Variants in BAG2 observed in about 807,000 individuals in gnomAD.
The protein encoded by BAG2 is BAG cochaperone 2.
A neutral mutation model predicts 16.4 loss-of-function variants in BAG2; 8 were observed. The observed-to-expected ratio is 0.49, with a 90% CI of 0.29 to 0.88. The LOEUF (loss-of-function observed/expected upper bound fraction) is 0.88, where lower values mean the gene tolerates loss of function less well. BAG2 is among the 40% of genes least tolerant of loss of function. The probability of loss-of-function intolerance (pLI) is 0.09; values close to 1 mark genes in which losing one functional copy is unlikely to be tolerated. For missense variants in BAG2, 218 were observed against 248.9 expected (o/e 0.88, Z 0.84); for synonymous variants, 82 against 89.2 (o/e 0.92, Z 0.46).
rs923399840 is a variant in BAG2, at chr6:57,186,510, G to A, written c.*2320G>A. The A allele has an allele frequency of 1.1e-4, 17 of 152,218 alleles. No homozygotes were observed. The highest frequency in any genetic ancestry group is 4.1e-4 in the African/African-American group (17 of 41,418). The allele number at this position is 152,218 out of a possible 1,614,324, so 9.4% of individuals were successfully genotyped here. A position where few individuals can be genotyped will look rare whatever the true frequency, so the allele number is the denominator to read the frequency against. On this transcript the variant is annotated 3_prime_UTR_variant, in exon 3 of 3. Coordinates refer to ENST00000370693, the MANE Select transcript of BAG2 (RefSeq NM_004282.4). ...TTTTTGTATTTTTAGTAGACATGGG[G>A]TTTCACCATATTGGCCAGGCTGGTC...
In BAG2 at chr6:57,172,761, G is replaced by A. The variant is rs1562637781; in HGVS notation, c.64G>A (p.Ala22Thr). Residue 22 changes from alanine to threonine, a missense_variant, in exon 1 of 3, where the codon GCT (alanine) becomes ACT (threonine). Transcript: ENST00000370693. Reference sequence around the variant, plus strand: ...GCGCTTCTGCCGCTCCTCCTCCATGGCTGACCGCTCCAGCCGCCTGCTGGA... The same window carrying A: ...GCGCTTCTGCCGCTCCTCCTCCATGACTGACCGCTCCAGCCGCCTGCTGGA... ...EGRFCRSSSMADRSSRLLESL... is the reference protein window; with the variant it reads ...EGRFCRSSSMTDRSSRLLESL... 3.2e-6 allele frequency: 5 copies of A among 1,580,816 alleles called. No homozygotes were observed. The highest frequency in any genetic ancestry group is 2.4e-5 in the East Asian group (1 of 41,424).
At chr6:57,174,347 CT>C (rs1388007928) in intron 1 of BAG2, 2 of 1,304,116 alleles carry the variant, frequency 1.5e-6, no homozygotes, top group African/African-American at 1.5e-5. Flanking sequence ...CTCCGCCTTC[CT>C]TCAAGCTGAG....
chr6:57,180,546 A>G (rs1764409020), intron 1 of BAG2, among the ~76,000 whole-genome samples: 1 of 152,154 alleles, frequency 6.6e-6, no homozygotes, highest in African/African-American at 2.4e-5. Context: ...CGCTAGGGGA[A>G]AGATGGATTG....
intron 1 of BAG2, among the ~76,000 whole-genome samples, chr6:57,174,940 T>A (rs1276253085): frequency 6.6e-6 from 1 of 152,228 alleles, no homozygotes; most frequent in Non-Finnish European, 1.5e-5. Flanking sequence ...ATCCTGTCAA[T>A]TGTGGAAGAA....
At chr6:57,174,097 A>G in intron 1 of BAG2, 3 of 666,618 alleles carry the variant, frequency 4.5e-6, no homozygotes, top group Non-Finnish European at 3.9e-6. Flanking sequence ...GATTTTCACA[A>G]TACTGGCAAA....
At chr6:57,179,653 A>G (rs2127992817) in intron 1 of BAG2, among the ~76,000 whole-genome samples, 1 of 152,358 alleles carries the variant, frequency 6.6e-6, no homozygotes, top group East Asian at 1.9e-4. Flanking sequence ...AAAAGTTGGC[A>G]TCTTAGTTAC....
At chr6:57,179,004 T>C (rs1358587837) in intron 1 of BAG2, among the ~76,000 whole-genome samples, 4 of 152,248 alleles carry the variant, frequency 2.6e-5, no homozygotes, top group Non-Finnish European at 4.4e-5. Flanking sequence ...CATCTTACAA[T>C]TGAATACAAA....
chr6:57,173,148 A>G, intron 1 of BAG2: 1 of 1,016,490 alleles, frequency 9.8e-7, no homozygotes. Flanking sequence ...GCGATTAAGG[A>G]CTGTGGCAGC....
At chr6:57,174,222 C>A in intron 1 of BAG2, 1 of 1,145,770 alleles carries the variant, frequency 8.7e-7, no homozygotes, top group South Asian at 2.0e-5. Context: ...TAACAAGTAA[C>A]ACACATCTCT....
chr6:57,183,918 A>G lies in BAG2; in HGVS notation c.364A>G (p.Asn122Asp), dbSNP rs757588112. 6.8e-6 allele frequency: 11 copies of G among 1,614,178 alleles called. No individual in the cohort carries two copies. Among genetic ancestry groups the G allele is most frequent in the Non-Finnish European group, 9.3e-6 (11 of 1,180,026 alleles). Residue 122 changes from asparagine (N) to aspartate (D), a missense_variant, in exon 3 of 3, where the codon AAT (asparagine) becomes GAT (aspartate). Physicochemically the swap from Asn to Asp is conservative, Grantham distance 23. Transcript: ENST00000370693. ...HATRIIDEVV[N>D]KFLDDLGNAK... ...CACAAGGATTATTGATGAGGTGGTCAATAAGTTTCTGGATGATTTGGGAAA... is the reference window on the plus strand; with the variant it reads ...CACAAGGATTATTGATGAGGTGGTCGATAAGTTTCTGGATGATTTGGGAAA...
At chr6:57,173,612 A>G (rs1764193318) in intron 1 of BAG2, 1 of 736,638 alleles carries the variant, frequency 1.4e-6, no homozygotes, top group Non-Finnish European at 1.7e-6. Flanking sequence ...TTTAATGTTA[A>G]TAGATTTTTG....
At chr6:57,177,246 C>T (rs1262861631) in intron 1 of BAG2, among the ~76,000 whole-genome samples, 1 of 151,978 alleles carries the variant, frequency 6.6e-6, no homozygotes, top group African/African-American at 2.4e-5. Flanking sequence ...TGAAAACCAT[C>T]TCTAATAAAA....
chr6:57,183,873 C>G lies in BAG2; in HGVS notation c.319C>G (p.Gln107Glu). The G allele has an allele frequency of 6.2e-7, 1 of 1,614,054 alleles. No individual in the cohort carries two copies. Residue 107 changes from glutamine (Q) to glutamate (E), a missense_variant, in exon 3 of 3, where the codon CAA becomes GAA. Transcript: ENST00000370693. ...AGAAACAATTAGAAACCCCCAGCAG[C>G]AAGAATCCCTAAAGCATGCCACAAG... Reference protein sequence around the residue: ...SVETIRNPQQQESLKHATRII... With the variant: ...SVETIRNPQQEESLKHATRII...
At position 57,183,849 on chromosome 6, in the gene BAG2, G is replaced by C. The variant is rs752395475; in HGVS notation, c.295G>C (p.Glu99Gln). ...GRTLTVEVSV[E>Q]TIRNPQQQES... ...AACTCTCACCGTTGAAGTGTCAGTA[G>C]AAACAATTAGAAACCCCCAGCAGCA... is the stretch of plus-strand genomic sequence containing the variant. Residue 99 changes from glutamate (E) to glutamine (Q), a missense_variant, in exon 3 of 3, where the codon GAA becomes CAA. This residue lies in a region of BAG2 where 113 missense variants were observed against 128.0 expected (regional missense o/e 0.88). Transcript: ENST00000370693. 24 of 1,613,802 alleles carry C rather than the reference G, an allele frequency of 1.5e-5. No homozygotes were observed. The highest frequency in any genetic ancestry group is 6.8e-6 in the Non-Finnish European group (8 of 1,179,932).
In BAG2 at chr6:57,184,707, T is replaced by A. The variant is rs1249422724; in HGVS notation, c.*517T>A. 6.6e-6 allele frequency: 1 copy of A among 152,642 alleles called. No individual in the cohort carries two copies. Among genetic ancestry groups the A allele is most frequent in the Non-Finnish European group, 1.5e-5 (1 of 68,028 alleles). 9.5% of individuals were successfully genotyped at this position (152,642 alleles called of 1,614,324 possible). Reference sequence around the variant, plus strand: ...ATGTTAAGGCATCTGTATCAAATTATTTTGGATGTAAAGATTCCTGTGTCT... The same window carrying A: ...ATGTTAAGGCATCTGTATCAAATTAATTTGGATGTAAAGATTCCTGTGTCT... On this transcript the variant is annotated 3_prime_UTR_variant, in exon 3 of 3. Coordinates refer to ENST00000370693, the MANE Select transcript of BAG2 (RefSeq NM_004282.4).
chr6:57,172,819 C>A lies in BAG2; in HGVS notation c.113+9C>A. ...GACCAGCTGGAGCTCAGGTGAGCTC[C>A]GGGCGGGCGGTCTCGGGCGTTCTGC... On this transcript the variant is annotated intron_variant, in intron 1 of 2. Coordinates refer to ENST00000370693, the MANE Select transcript of BAG2 (RefSeq NM_004282.4). 6.6e-7 allele frequency: 1 copy of A among 1,505,228 alleles called. No individual in the cohort carries two copies. The highest frequency in any genetic ancestry group is 2.7e-5 in the East Asian group (1 of 36,658). 93.2% of individuals were successfully genotyped at this position (1,505,228 alleles called of 1,614,324 possible).
chr6:57,175,496 G>C (rs1170987175), intron 1 of BAG2, among the ~76,000 whole-genome samples: 2 of 152,160 alleles, frequency 1.3e-5, no homozygotes, highest in African/African-American at 4.8e-5. Context: ...TTCCAGAGAG[G>C]GTCCTGCCCT....
In BAG2 at chr6:57,188,341, GCT is replaced by G. The variant is rs1009947942; in HGVS notation, c.*4158_*4159del. On this transcript the variant is annotated 3_prime_UTR_variant, in exon 3 of 3. Coordinates refer to ENST00000370693, the MANE Select transcript of BAG2 (RefSeq NM_004282.4). ...ATTAAAAATTCAAATATGTAACAAAGCTCTCTCTTCAGTTCTTATTTAAAAAA... is the reference window on the plus strand; with the variant it reads ...ATTAAAAATTCAAATATGTAACAAAGCTCTCTTCAGTTCTTATTTAAAAAA... The G allele has an allele frequency of 3.9e-5, 6 of 151,966 alleles. No homozygotes were observed. Among genetic ancestry groups the G allele is most frequent in the Non-Finnish European group, 7.4e-5 (5 of 67,976 alleles). The allele number at this position is 151,966 out of a possible 1,614,324, so 9.4% of individuals were successfully genotyped here. A position where few individuals can be genotyped will look rare whatever the true frequency, so the allele number is the denominator to read the frequency against.
intron 1 of BAG2, among the ~76,000 whole-genome samples, chr6:57,176,266 A>C (rs9370568): frequency 0.12 from 18,084 of 152,224 alleles, 1,301 homozygotes; most frequent in African/African-American, 0.19. Flanking sequence ...GTCCAAAGTC[A>C]CACAACTAGA....
Sources: gnomAD v4.1 joint callset for allele counts (sites outside exome capture counted in the v4.1 genomes callset) on GRCh38, gnomAD v4.1.1 for gene constraint, gnomAD v4.1.1 regional missense constraint, MANE v1.5 for transcripts, NCBI Gene and HGNC (gene_info 2026-07-23, HGNC 2026-07-21) for gene names.